The following BRAF variants were observed in gnomAD, a reference collection of about 807,000 sequenced individuals.
BRAF encodes the protein serine/threonine-protein kinase B-raf.
BRAF carries 16 observed loss-of-function variants against 104.6 expected under a neutral mutation model. The observed-to-expected ratio is 0.15, with a 90% CI of 0.10 to 0.23. BRAF has a LOEUF of 0.23. Ranked by LOEUF, BRAF falls within the 10% of genes least tolerant of loss-of-function variation. The pLI is 1.00. For synonymous variants in BRAF, 310 were observed against 341.6 expected, an observed-to-expected ratio of 0.91 and a Z score of 1.02; for missense variants, 541 against 937.3, an observed-to-expected ratio of 0.58 and a Z score of 5.52.
chr7:140,740,951 T>C (rs1353280926), intron 17 of BRAF: 1 of 152,176 alleles, frequency 6.6e-6, no homozygotes, highest in Non-Finnish European at 1.5e-5. Context: ...TACACCATCA[T>C]AACATCATCA....
At position 140,819,732 on chromosome 7, in the gene BRAF, C is replaced by G. The variant is rs530599292; in HGVS notation, c.505-10737G>C. ...TATGCTAAGTAAAAGAAGTCAGTCACAAACACATATTGTATGATTTCATTT... is the reference window on the plus strand; with the variant it reads ...TATGCTAAGTAAAAGAAGTCAGTCAGAAACACATATTGTATGATTTCATTT... On this transcript the variant is annotated intron_variant, in intron 3 of 19. Coordinates refer to ENST00000644969, the MANE Select transcript of BRAF (RefSeq NM_001374258.1). 3.9e-5 allele frequency among the ~76,000 whole-genome samples: 6 copies of G among 152,158 alleles called. No homozygotes were observed. The East Asian group carries it at 9.7e-4, about 24-fold the overall frequency.
chr7:140,890,559 T>C (rs919759739), intron 1 of BRAF, among the ~76,000 whole-genome samples: 1 of 152,198 alleles, frequency 6.6e-6, no homozygotes, highest in Non-Finnish European at 1.5e-5. Flanking sequence ...AACTTCTCAC[T>C]CTTAAGTTTA....
intron 17 of BRAF, among the ~76,000 whole-genome samples, chr7:140,747,014 A>G (rs991516494): frequency 1.3e-5 from 2 of 152,126 alleles, no homozygotes; most frequent in African/African-American, 4.8e-5. Flanking sequence ...TGGTATTCAC[A>G]TTGCATAGTA....
chr7:140,759,118 C>A (rs1038743529), intron 14 of BRAF, among the ~76,000 whole-genome samples: 1 of 152,194 alleles, frequency 6.6e-6, no homozygotes, highest in African/African-American at 2.4e-5. Flanking sequence ...TATCTATTTA[C>A]TTATTGGACA....
intron 3 of BRAF, among the ~76,000 whole-genome samples, chr7:140,824,849 G>A (rs1016894471): frequency 2.6e-5 from 4 of 152,038 alleles, no homozygotes; most frequent in African/African-American, 9.7e-5. Flanking sequence ...GGTATCGCGT[G>A]CCTATTTAAT....
At chr7:140,766,451 C>G (rs1485956766) in intron 14 of BRAF, among the ~76,000 whole-genome samples, 2 of 151,666 alleles carry the variant, frequency 1.3e-5, no homozygotes, top group African/African-American at 4.8e-5. Context: ...ATAAAAAAAA[C>G]AAAACAACAA....
At chr7:140,728,845 T>A (rs1795761288) in intron 19 of BRAF, among the ~76,000 whole-genome samples, 1 of 152,078 alleles carries the variant, frequency 6.6e-6, no homozygotes, top group Non-Finnish European at 1.5e-5. Flanking sequence ...TGAAAATGCC[T>A]AGAATTAATC....
At chr7:140,748,006 C>T (rs1254689818) in intron 17 of BRAF, among the ~76,000 whole-genome samples, 2 of 152,192 alleles carry the variant, frequency 1.3e-5, no homozygotes, top group Non-Finnish European at 2.9e-5. Context: ...AAGGCCAACA[C>T]CAACTAAAAT....
intron 7 of BRAF, 77 bp downstream of exon 7, chr7:140,800,285 G>A (rs966277466): frequency 4.4e-6 from 7 of 1,601,502 alleles, no homozygotes; most frequent in Non-Finnish European, 6.0e-6. Context: ...ACATTGGAAA[G>A]GTTTCTAATT....
chr7:140,725,420 A>T lies in BRAF; in HGVS notation c.*1074T>A. 1 of 951,992 alleles carries T rather than the reference A, an allele frequency of 1.1e-6. No individual in the cohort carries two copies. The highest frequency in any genetic ancestry group is 1.3e-6 in the Non-Finnish European group (1 of 782,684). 59.0% of individuals were successfully genotyped at this position (951,992 alleles called of 1,614,324 possible). A position where few individuals can be genotyped will look rare whatever the true frequency, so the allele number is the denominator to read the frequency against. On this transcript the variant is annotated 3_prime_UTR_variant, in exon 20 of 20. Transcript: ENST00000644969. ...TTCAGGATATATAATTCTGGTGGGA[A>T]GTATTGTTTTTTTCCAATTCAATTA...
At chr7:140,815,757 G>GA (rs1285173019) in intron 3 of BRAF, among the ~76,000 whole-genome samples, 9 of 151,052 alleles carry the variant, frequency 6.0e-5, no homozygotes, top group East Asian at 1.9e-4. Context: ...TTGTTTTAAA[G>GA]AAAAAAAAAT....
intron 1 of BRAF, among the ~76,000 whole-genome samples, chr7:140,905,852 G>A (rs1816242837): frequency 6.6e-6 from 1 of 151,870 alleles, no homozygotes; most frequent in African/African-American, 2.4e-5. Flanking sequence ...ACTTTGGGAG[G>A]CCGAGGCGGG....
At chr7:140,893,181 C>T (rs1351496097) in intron 1 of BRAF, among the ~76,000 whole-genome samples, 8 of 151,890 alleles carry the variant, frequency 5.3e-5, no homozygotes, top group Non-Finnish European at 1.2e-4. Context: ...AACGAGCTTT[C>T]TGAGACAAGA....
chr7:140,843,245 C>T (rs1448590427), intron 2 of BRAF, among the ~76,000 whole-genome samples: 1 of 152,278 alleles, frequency 6.6e-6, no homozygotes, highest in East Asian at 1.9e-4. Flanking sequence ...TTCTTCCTAG[C>T]AAGAGCTTAG....
intron 1 of BRAF, among the ~76,000 whole-genome samples, chr7:140,898,514 C>T (rs887933311): frequency 1.3e-5 from 2 of 152,162 alleles, no homozygotes; most frequent in Admixed American, 1.3e-4. Context: ...ACATACTCAA[C>T]CTCACTAGTA....
chr7:140,906,843 C>T (rs900952521), intron 1 of BRAF, among the ~76,000 whole-genome samples: 1 of 152,152 alleles, frequency 6.6e-6, no homozygotes, highest in East Asian at 1.9e-4. Flanking sequence ...ACTTTCAAGA[C>T]TTTTCTCCTT....
At chr7:140,859,420 G>T (rs549368972) in intron 1 of BRAF, among the ~76,000 whole-genome samples, 1 of 152,138 alleles carries the variant, frequency 6.6e-6, no homozygotes, top group Non-Finnish European at 1.5e-5. Context: ...TCTATATGGG[G>T]ATAACAGACC....
rs1177685785 is a variant in BRAF, at chr7:140,722,825, T to C, written c.*3669A>G. 23 of 1,052,532 alleles carry C rather than the reference T, an allele frequency of 2.2e-5. No individual in the cohort carries two copies. The highest frequency in any genetic ancestry group is 4.3e-4 in the Middle Eastern group (1 of 2,336). The allele number at this position is 1,052,532 out of a possible 1,614,324, so 65.2% of individuals were successfully genotyped here. ...CCACAGCTATTTAATTTCATGCAATTGACTCAAGGTTAAGATTCTGAAACG... is the reference window on the plus strand; with the variant it reads ...CCACAGCTATTTAATTTCATGCAATCGACTCAAGGTTAAGATTCTGAAACG... On this transcript the variant is annotated 3_prime_UTR_variant, in exon 20 of 20. Coordinates refer to ENST00000644969, the MANE Select transcript of BRAF (RefSeq NM_001374258.1).
chr7:140,823,108 G>A (rs1207047526), intron 3 of BRAF, among the ~76,000 whole-genome samples: 1 of 152,098 alleles, frequency 6.6e-6, no homozygotes, highest in Non-Finnish European at 1.5e-5. Flanking sequence ...ACAGGTGTGA[G>A]CCACCGTGTC....
Sources: gnomAD v4.1 joint callset for allele counts (sites outside exome capture counted in the v4.1 genomes callset) on GRCh38, gnomAD v4.1.1 for gene constraint, MANE v1.5 for transcripts, NCBI Gene and HGNC (gene_info 2026-07-23, HGNC 2026-07-21) for gene names.